The following DYNC1I1 variants were observed in gnomAD, a reference collection of about 807,000 sequenced individuals.
DYNC1I1 encodes the protein dynein cytoplasmic 1 intermediate chain 1.
Under a neutral mutation model 86.6 loss-of-function variants are expected in DYNC1I1, and 43 were observed. That is an observed-to-expected ratio of 0.50 (90% confidence interval 0.39 to 0.64). DYNC1I1 has a LOEUF of 0.64. Ranked by LOEUF, DYNC1I1 falls within the 30% of genes least tolerant of loss-of-function variation. The pLI is 0.00. For synonymous variants in DYNC1I1, 262 were observed against 283.7 expected, an observed-to-expected ratio of 0.92 and a Z score of 0.77; for missense variants, 604 against 788.8, an observed-to-expected ratio of 0.77 and a Z score of 2.81.
intron 16 of DYNC1I1, among the ~76,000 whole-genome samples, chr7:96,094,775 G>C (rs1032230109): frequency 6.6e-6 from 1 of 152,144 alleles, no homozygotes. Flanking sequence ...AAGATGAAAA[G>C]GATAGTAGGA....
intron 5 of DYNC1I1, among the ~76,000 whole-genome samples, chr7:95,830,256 A>T (rs1043477319): frequency 2.0e-5 from 3 of 152,076 alleles, no homozygotes; most frequent in African/African-American, 7.2e-5. Context: ...ATTCAAATTG[A>T]TGATTTTTGA....
chr7:96,013,006 A>G (rs1026241264), intron 10 of DYNC1I1, among the ~76,000 whole-genome samples: 1 of 152,114 alleles, frequency 6.6e-6, no homozygotes, highest in Non-Finnish European at 1.5e-5. Flanking sequence ...AAAAGACTAC[A>G]AATAGGGTAT....
rs946878053 is a variant in DYNC1I1, at chr7:95,910,679, G to A, written c.490+40681G>A. Reference sequence around the variant, plus strand: ...ATTAGAAGAATAGGAATCAGTACAAGAATTATGGACATTTATAGGTTACAG... The same window carrying A: ...ATTAGAAGAATAGGAATCAGTACAAAAATTATGGACATTTATAGGTTACAG... On this transcript the variant is annotated intron_variant, in intron 6 of 16. Transcript: ENST00000447467. Among the ~76,000 whole-genome samples, 18 of 152,310 alleles carry A rather than the reference G, an allele frequency of 1.2e-4. No homozygotes were observed. The East Asian group carries it at 3.5e-3, about 29-fold the overall frequency.
At chr7:96,067,743 GT>G (rs1790037545) in intron 14 of DYNC1I1, among the ~76,000 whole-genome samples, 1 of 152,160 alleles carries the variant, frequency 6.6e-6, no homozygotes, top group African/African-American at 2.4e-5. Flanking sequence ...TGTCCAACAA[GT>G]AAGGACTTGG....
rs575606989 is a variant in DYNC1I1, at chr7:95,791,989, T to C, written c.-9-12732T>C. ...AGCATAGAATGCTGAGTCAATTTAT[T>C]GATGATTGGAAAGTTCTCAAAATTT... On this transcript the variant is annotated intron_variant, in intron 1 of 16. Coordinates refer to ENST00000447467, the MANE Select transcript of DYNC1I1 (RefSeq NM_001135556.2). 5.3e-5 allele frequency among the ~76,000 whole-genome samples: 8 copies of C among 152,348 alleles called. No individual in the cohort carries two copies. The South Asian group carries it at 1.4e-3, about 28-fold the overall frequency.
intron 9 of DYNC1I1, among the ~76,000 whole-genome samples, chr7:95,988,591 C>T (rs983815258): frequency 1.1e-4 from 16 of 152,282 alleles, no homozygotes; most frequent in Admixed American, 5.9e-4. Context: ...AGAATTTGAA[C>T]CTAAGCATCT....
chr7:96,061,020 G>A (rs1789749742), intron 14 of DYNC1I1, among the ~76,000 whole-genome samples: 1 of 152,194 alleles, frequency 6.6e-6, no homozygotes, highest in Admixed American at 6.5e-5. Context: ...ATTGTGGGGT[G>A]AGGGAGGACT....
chr7:95,998,280 C>T (rs1302877351), intron 10 of DYNC1I1, among the ~76,000 whole-genome samples: 4 of 152,218 alleles, frequency 2.6e-5, no homozygotes, highest in African/African-American at 4.8e-5. Context: ...ATCACCTAGG[C>T]TGCATTCTAA....
At chr7:95,857,440 A>G (rs1477196759) in intron 5 of DYNC1I1, among the ~76,000 whole-genome samples, 1 of 152,178 alleles carries the variant, frequency 6.6e-6, no homozygotes, top group Non-Finnish European at 1.5e-5. Flanking sequence ...GGAATTTTTC[A>G]TTTTGTTGGC....
intron 5 of DYNC1I1, among the ~76,000 whole-genome samples, chr7:95,850,603 CCA>C (rs1159753635): frequency 6.6e-6 from 1 of 152,170 alleles, no homozygotes; most frequent in Admixed American, 6.5e-5. Context: ...TGTTTGCCTG[CCA>C]CACACACAAA....
intron 14 of DYNC1I1, among the ~76,000 whole-genome samples, chr7:96,046,325 CTT>C (rs2116076972): frequency 6.6e-6 from 1 of 152,234 alleles, no homozygotes; most frequent in Admixed American, 6.5e-5. Context: ...AAGGAGTTTG[CTT>C]TGGAATACTG....
At chr7:95,867,849 G>A (rs34657318) in intron 5 of DYNC1I1, among the ~76,000 whole-genome samples, 26,965 of 152,174 alleles carry the variant, frequency 0.18, 3,006 homozygotes, top group African/African-American at 0.31. Flanking sequence ...ACTAAGCAGC[G>A]GAGAGGCTTT....
At chr7:95,997,662 CA>C (rs1793903843) in intron 10 of DYNC1I1, among the ~76,000 whole-genome samples, 5 of 147,112 alleles carry the variant, frequency 3.4e-5, no homozygotes, top group African/African-American at 1.2e-4. Context: ...CTCCAACAAA[CA>C]TTTTTTTTAG....
chr7:95,780,520 C>T lies in DYNC1I1; in HGVS notation c.-10+7747C>T, dbSNP rs982709424. 4.6e-5 allele frequency among the ~76,000 whole-genome samples: 7 copies of T among 151,384 alleles called. No individual in the cohort carries two copies. The East Asian group carries it at 7.7e-4, about 17-fold the overall frequency. On this transcript the variant is annotated intron_variant, in intron 1 of 16. Transcript: ENST00000447467. ...GTCTCGATCTCCTGACCTCGTGATC[C>T]GCCTGCCTCAGCCTCCCAAAGTGCT...
intron 4 of DYNC1I1, among the ~76,000 whole-genome samples, chr7:95,817,619 G>A (rs188710658): frequency 6.6e-6 from 1 of 152,148 alleles, no homozygotes; most frequent in Admixed American, 6.5e-5. Flanking sequence ...GAACATGTTG[G>A]TGTCATTTTC....
chr7:96,028,112 G>A, intron 10 of DYNC1I1, 63 bp from the exon 11 acceptor site: 1 of 1,574,104 alleles, frequency 6.4e-7, no homozygotes, highest in Non-Finnish European at 8.7e-7. Flanking sequence ...TTTTCAGGAA[G>A]AAACAAGTCA....
intron 5 of DYNC1I1, 44 bp from the exon 6 acceptor site, chr7:95,869,839 G>C: frequency 1.3e-6 from 2 of 1,553,338 alleles, no homozygotes; most frequent in South Asian, 2.3e-5. Flanking sequence ...TCTTCTGCAA[G>C]GAATGCCTCC....
chr7:95,914,829 C>T (rs1040429046), intron 6 of DYNC1I1, among the ~76,000 whole-genome samples: 1 of 152,138 alleles, frequency 6.6e-6, no homozygotes, highest in African/African-American at 2.4e-5. Flanking sequence ...CACATGGTCT[C>T]GTGGCCTTTT....
At chr7:95,887,050 G>A (rs1331108238) in intron 6 of DYNC1I1, among the ~76,000 whole-genome samples, 1 of 152,096 alleles carries the variant, frequency 6.6e-6, no homozygotes, top group Non-Finnish European at 1.5e-5. Flanking sequence ...ACGCCTCGTG[G>A]GCATAGGAGG....
Sources: allele counts gnomAD v4.1 joint callset (sites outside exome capture counted in the v4.1 genomes callset), GRCh38; gene constraint gnomAD v4.1.1; transcripts MANE v1.5; gene names NCBI Gene and HGNC (gene_info 2026-07-23, HGNC 2026-07-21).